The following CTNNA2 variants were observed in gnomAD, a reference collection of about 807,000 sequenced individuals.
CTNNA2 encodes catenin alpha-2.
CTNNA2 carries 42 observed loss-of-function variants against 101.0 expected under a neutral mutation model. The observed-to-expected ratio is 0.42, with a 90% CI of 0.32 to 0.54. The LOEUF is 0.54. Ranked by LOEUF, CTNNA2 falls within the 20% of genes least tolerant of loss-of-function variation. The pLI, the probability that CTNNA2 is intolerant of heterozygous loss-of-function variation, is 0.14. For missense variants in CTNNA2, 871 were observed against 1,223.1 expected (o/e 0.71, Z 4.29); for synonymous variants, 450 against 456.4 (o/e 0.99, Z 0.18).
intron 7 of CTNNA2, among the ~76,000 whole-genome samples, chr2:80,043,836 G>A (rs149162860): frequency 0.02 from 3,008 of 152,236 alleles, 47 homozygotes; most frequent in Middle Eastern, 0.051. Flanking sequence ...TTTATTATGC[G>A]TCTGTCAAAG....
intron 7 of CTNNA2, among the ~76,000 whole-genome samples, chr2:80,152,037 G>A (rs1703734179): frequency 6.6e-6 from 1 of 152,216 alleles, no homozygotes; most frequent in Non-Finnish European, 1.5e-5. Context: ...CTCCCTCCTG[G>A]AAAATGCAGG....
chr2:80,067,888 A>T (rs1698085578), intron 7 of CTNNA2, among the ~76,000 whole-genome samples: 1 of 152,176 alleles, frequency 6.6e-6, no homozygotes, highest in South Asian at 2.1e-4. Flanking sequence ...GCCGTCTTGG[A>T]AGTGGATGCT....
intron 4 of CTNNA2, among the ~76,000 whole-genome samples, chr2:79,463,052 T>G (rs925205176): frequency 1.8e-4 from 28 of 152,166 alleles, no homozygotes; most frequent in Admixed American, 1.6e-3. Context: ...CTCTATTCTA[T>G]TAACTGGTCA....
At chr2:80,538,781 T>A (rs1293328585) in intron 9 of CTNNA2, among the ~76,000 whole-genome samples, 2 of 152,222 alleles carry the variant, frequency 1.3e-5, no homozygotes, top group Non-Finnish European at 2.9e-5. Context: ...GGTAGCTTAA[T>A]GGGAATAGCA....
chr2:80,481,975 G>A (rs1686184165), intron 9 of CTNNA2, among the ~76,000 whole-genome samples: 2 of 152,000 alleles, frequency 1.3e-5, no homozygotes, highest in Admixed American at 6.6e-5. Context: ...GCCATATCGG[G>A]GAGATTACTT....
chr2:80,061,576 G>A (rs1229560502), intron 7 of CTNNA2, among the ~76,000 whole-genome samples: 1 of 152,138 alleles, frequency 6.6e-6, no homozygotes, highest in Admixed American at 6.5e-5. Context: ...AAAAACTTCA[G>A]CTTCCATGGT....
chr2:79,593,880 G>GTTTTT lies in CTNNA2; in HGVS notation c.-5-57651_-5-57647dup, dbSNP rs945227300. 3.3e-3 allele frequency among the ~76,000 whole-genome samples: 278 copies of GTTTTT among 85,428 alleles called. 6 individuals are homozygous for GTTTTT. The highest frequency in any genetic ancestry group is 0.011 in the East Asian group (30 of 2,642). 56.0% of individuals were successfully genotyped at this position (85,428 alleles called of 152,430 possible). On this transcript the variant is annotated intron_variant, in intron 1 of 18. Transcript: ENST00000402739. ...GAGCCCCAGTGCTGCCTTTCTTTTAGTTTTTTTTTTTTTTTTTTTTTTTTT... is the reference window on the plus strand; with the variant it reads ...GAGCCCCAGTGCTGCCTTTCTTTTAGTTTTTTTTTTTTTTTTTTTTTTTTTTTTTT...
intron 7 of CTNNA2, among the ~76,000 whole-genome samples, chr2:80,092,078 G>T (rs1265541484): frequency 6.6e-6 from 1 of 152,060 alleles, no homozygotes; most frequent in African/African-American, 2.4e-5. Flanking sequence ...TAATAGATGT[G>T]TGTGTAAATT....
intron 15 of CTNNA2, among the ~76,000 whole-genome samples, chr2:80,590,434 G>GT (rs35358032): frequency 2.6e-3 from 102 of 39,752 alleles, no homozygotes; most frequent in Non-Finnish European, 3.2e-3. Flanking sequence ...TTACTGTAGT[G>GT]TTTTTTTTTC....
At chr2:80,543,663 C>T (rs1377839181) in intron 9 of CTNNA2, among the ~76,000 whole-genome samples, 2 of 152,130 alleles carry the variant, frequency 1.3e-5, no homozygotes, top group Admixed American at 6.6e-5. Context: ...TAAAGATGCC[C>T]AGTGGTTGAA....
intron 1 of CTNNA2, among the ~76,000 whole-genome samples, chr2:79,614,865 A>C (rs1320875302): frequency 6.6e-6 from 1 of 152,182 alleles, no homozygotes; most frequent in Admixed American, 6.5e-5. Flanking sequence ...GATAATTGAT[A>C]ATGTATATGA....
At chr2:80,565,251 TG>T (rs1693953203) in intron 12 of CTNNA2, among the ~76,000 whole-genome samples, 1 of 152,112 alleles carries the variant, frequency 6.6e-6, no homozygotes, top group Non-Finnish European at 1.5e-5. Context: ...GAGGTCATAA[TG>T]GAACACCATG....
intron 18 of CTNNA2, among the ~76,000 whole-genome samples, chr2:80,621,964 G>A (rs936563042): frequency 1.3e-5 from 2 of 151,884 alleles, no homozygotes; most frequent in Admixed American, 1.3e-4. Context: ...CGGTTTAGAT[G>A]TTTGTGTTAT....
chr2:79,501,878 A>T (rs1021057073), intron 4 of CTNNA2, among the ~76,000 whole-genome samples: 2 of 151,778 alleles, frequency 1.3e-5, no homozygotes, highest in South Asian at 2.1e-4. Context: ...GGGTAGATGG[A>T]GGTGAATCCG....
intron 4 of CTNNA2, among the ~76,000 whole-genome samples, chr2:79,399,750 A>T (rs1678270240): frequency 6.6e-6 from 1 of 152,036 alleles, no homozygotes; most frequent in Admixed American, 6.6e-5. Context: ...GAGAAAAGTC[A>T]ATAGAAATGG....
intron 4 of CTNNA2, among the ~76,000 whole-genome samples, chr2:79,427,580 C>G (rs909180544): frequency 6.6e-6 from 1 of 151,524 alleles, no homozygotes; most frequent in Non-Finnish European, 1.5e-5. Flanking sequence ...AACCAACTGA[C>G]CCTGAATCTT....
chr2:79,634,240 T>C (rs1432736096), intron 1 of CTNNA2, among the ~76,000 whole-genome samples: 8 of 152,234 alleles, frequency 5.3e-5, no homozygotes, highest in Non-Finnish European at 1.5e-5. Context: ...GACCTTATGC[T>C]TATCAGTAGG....
chr2:80,604,009 A>G (rs966345838), intron 15 of CTNNA2, 65 bp from the exon 16 acceptor site: 25 of 1,340,118 alleles, frequency 1.9e-5, no homozygotes, highest in African/African-American at 1.7e-4. Context: ...GACAAAGGAT[A>G]TGGTAGGTTG....
intron 1 of CTNNA2, among the ~76,000 whole-genome samples, chr2:79,517,159 G>T (rs919191601): frequency 2.6e-5 from 4 of 152,214 alleles, no homozygotes; most frequent in African/African-American, 9.6e-5. Context: ...ACATCTGTTG[G>T]CATACCTTTG....
Sources: allele counts gnomAD v4.1 joint callset (sites outside exome capture counted in the v4.1 genomes callset), GRCh38; gene constraint gnomAD v4.1.1; transcripts MANE v1.5; gene names NCBI Gene and HGNC (gene_info 2026-07-23, HGNC 2026-07-21).